Variants in SCFD2 observed in about 807,000 individuals in gnomAD.
SCFD2 encodes the protein sec1 family domain containing 2.
Under a neutral mutation model 58.9 loss-of-function variants are expected in SCFD2, and 54 were observed. The ratio of observed to expected loss-of-function variants is 0.92; its 90% CI spans 0.74 to 1.15. The LOEUF (loss-of-function observed/expected upper bound fraction) is 1.15, where lower values mean the gene tolerates loss of function less well. Ranked by LOEUF, SCFD2 falls within the 50% of genes most tolerant of loss-of-function variation. The pLI is 0.00. For missense variants in SCFD2, 805 were observed against 836.6 expected (o/e 0.96, Z 0.47); for synonymous variants, 321 against 335.9 (o/e 0.96, Z 0.49).
At chr4:52,937,002 TG>T (rs60011231) in intron 5 of SCFD2, among the ~76,000 whole-genome samples, 2,390 of 152,290 alleles carry the variant, frequency 0.016, 78 homozygotes, top group African/African-American at 0.055. Context: ...TACACTTCAA[TG>T]GTGAGAAATA....
chr4:53,094,341 T>C (rs367730304), intron 5 of SCFD2, among the ~76,000 whole-genome samples: 1 of 152,226 alleles, frequency 6.6e-6, no homozygotes, highest in African/African-American at 2.4e-5. Flanking sequence ...AAGATCAAGG[T>C]ATCAACAGGG....
intron 8 of SCFD2, among the ~76,000 whole-genome samples, chr4:52,876,740 A>G (rs1481098245): frequency 6.9e-6 from 1 of 144,724 alleles, no homozygotes; most frequent in Non-Finnish European, 1.5e-5. Context: ...ACAGAGCGAA[A>G]CTCTGTCTCT....
At chr4:53,327,865 G>T (rs948606992) in intron 2 of SCFD2, among the ~76,000 whole-genome samples, 21 of 152,064 alleles carry the variant, frequency 1.4e-4, no homozygotes, top group African/African-American at 4.8e-4. Flanking sequence ...AATAAAGATC[G>T]GCCGGGTGCA....
chr4:53,091,050 C>T (rs374693813), intron 5 of SCFD2, among the ~76,000 whole-genome samples: 41 of 152,168 alleles, frequency 2.7e-4, no homozygotes, highest in African/African-American at 9.4e-4. Context: ...ACTGCTATGC[C>T]ATGTTGTTTA....
chr4:53,238,207 G>A lies in SCFD2; in HGVS notation c.1311+35619C>T, dbSNP rs948850267. ...GACCCCCCCACCTCCCTCCCGGACGGGGCGGCTGGCCGGGCAGAGGGGCTC... is the reference window on the plus strand; with the variant it reads ...GACCCCCCCACCTCCCTCCCGGACGAGGCGGCTGGCCGGGCAGAGGGGCTC... On this transcript the variant is annotated intron_variant, in intron 4 of 8. Transcript: ENST00000401642. 4.2e-5 allele frequency among the ~76,000 whole-genome samples: 6 copies of A among 143,992 alleles called. No homozygotes were observed. In the East Asian group the frequency reaches 6.9e-4, roughly 17 times the overall value. 94.5% of individuals were successfully genotyped at this position (143,992 alleles called of 152,430 possible). A position where few individuals can be genotyped will look rare whatever the true frequency, so the allele number is the denominator to read the frequency against.
chr4:53,107,703 C>T (rs551481475), intron 5 of SCFD2, among the ~76,000 whole-genome samples: 2 of 152,292 alleles, frequency 1.3e-5, no homozygotes, highest in Admixed American at 1.3e-4. Flanking sequence ...GCACCCAATA[C>T]AGAAGCACCC....
chr4:52,961,550 A>G (rs1720852516), intron 5 of SCFD2, among the ~76,000 whole-genome samples: 1 of 148,634 alleles, frequency 6.7e-6, no homozygotes, highest in Non-Finnish European at 1.5e-5. Context: ...TGTTCATGGA[A>G]TAGTGGGAAA....
chr4:53,072,707 T>TG (rs1283523025), intron 5 of SCFD2, among the ~76,000 whole-genome samples: 2 of 152,102 alleles, frequency 1.3e-5, no homozygotes, highest in African/African-American at 2.4e-5. Flanking sequence ...AGACACCGCT[T>TG]CCTCAACCTC....
At chr4:53,099,900 G>A (rs1454520899) in intron 5 of SCFD2, among the ~76,000 whole-genome samples, 1 of 152,064 alleles carries the variant, frequency 6.6e-6, no homozygotes, top group Non-Finnish European at 1.5e-5. Context: ...TTATTTATGG[G>A]TAAGAGGTAT....
At chr4:52,913,751 C>G (rs1026464981) in intron 6 of SCFD2, among the ~76,000 whole-genome samples, 3 of 152,174 alleles carry the variant, frequency 2.0e-5, no homozygotes, top group African/African-American at 7.2e-5. Flanking sequence ...CATTAGAATC[C>G]TACACTGAAG....
intron 2 of SCFD2, among the ~76,000 whole-genome samples, chr4:53,327,260 A>T (rs1228893007): frequency 6.6e-6 from 1 of 152,076 alleles, no homozygotes. Flanking sequence ...GGTGGGTGGG[A>T]GCATCAGATT....
At chr4:53,339,511 T>C (rs745537985) in intron 2 of SCFD2, among the ~76,000 whole-genome samples, 2 of 152,196 alleles carry the variant, frequency 1.3e-5, no homozygotes, top group Admixed American at 6.5e-5. Context: ...GGCTCACGCC[T>C]GTAATCCCAG....
chr4:52,959,349 G>C (rs1720791106), intron 5 of SCFD2, among the ~76,000 whole-genome samples: 1 of 152,042 alleles, frequency 6.6e-6, no homozygotes, highest in South Asian at 2.1e-4. Context: ...AATCACCTGG[G>C]GTGCTTACTT....
chr4:53,135,574 C>T (rs1488599699), intron 5 of SCFD2, among the ~76,000 whole-genome samples: 1 of 152,104 alleles, frequency 6.6e-6, no homozygotes. Context: ...AACCCCATCT[C>T]TACTAAAAAT....
At chr4:53,327,746 T>C (rs572597077) in intron 2 of SCFD2, among the ~76,000 whole-genome samples, 1 of 152,162 alleles carries the variant, frequency 6.6e-6, no homozygotes, top group Non-Finnish European at 1.5e-5. Context: ...AAGAAGTAGT[T>C]ACAAATATGC....
intron 4 of SCFD2, among the ~76,000 whole-genome samples, chr4:53,269,505 G>T (rs1397887108): frequency 6.6e-6 from 1 of 152,052 alleles, no homozygotes; most frequent in Non-Finnish European, 1.5e-5. Context: ...ATAAAGAATT[G>T]AAGAAATTAT....
intron 4 of SCFD2, among the ~76,000 whole-genome samples, chr4:53,162,721 G>A (rs1577791264): frequency 6.6e-6 from 1 of 151,696 alleles, no homozygotes. Flanking sequence ...AGTGGGGAGG[G>A]ATAGCATTAG....
intron 7 of SCFD2, among the ~76,000 whole-genome samples, chr4:52,887,308 G>C (rs1044000153): frequency 1.3e-5 from 2 of 152,176 alleles, no homozygotes; most frequent in Non-Finnish European, 2.9e-5. Flanking sequence ...ACCTACACTA[G>C]ATGCTGTGGA....
chr4:53,344,372 C>T (rs1054309995), intron 2 of SCFD2, among the ~76,000 whole-genome samples: 21 of 151,656 alleles, frequency 1.4e-4, no homozygotes, highest in African/African-American at 4.4e-4. Flanking sequence ...GAATAAAATA[C>T]CTAGGAATCC....
Sources: allele counts gnomAD v4.1 joint callset (sites outside exome capture counted in the v4.1 genomes callset), GRCh38; gene constraint gnomAD v4.1.1; transcripts MANE v1.5; gene names NCBI Gene and HGNC (gene_info 2026-07-23, HGNC 2026-07-21).